The following VPS13C variants were observed in gnomAD, a reference collection of about 807,000 sequenced individuals.
VPS13C encodes intermembrane lipid transfer protein VPS13C.
VPS13C carries 358 observed loss-of-function variants against 456.8 expected under a neutral mutation model. The observed-to-expected ratio is 0.78, with a 90% CI of 0.72 to 0.86. The LOEUF is 0.86. Ranked by LOEUF, VPS13C falls within the 40% of genes least tolerant of loss-of-function variation. The probability of loss-of-function intolerance (pLI) is 0.00; values close to 1 mark genes in which losing one functional copy is unlikely to be tolerated. For missense variants in VPS13C, 4,818 were observed against 4,385.4 expected (o/e 1.10, Z -2.79); for synonymous variants, 1,578 against 1,486.7 (o/e 1.06, Z -1.41).
rs1196625224 is a variant in VPS13C, at chr15:61,974,302, A to C, written c.2524T>G (p.Ser842Ala). Residue 842 changes from serine to alanine, a missense_variant, in exon 25 of 85, where the codon TCT becomes GCT. Physicochemically the swap from Ser to Ala is moderately conservative, Grantham distance 99 (BLOSUM62 1). Around this residue, in one of 3 missense-constraint regions of VPS13C, gnomAD observed 4,552 missense variants for 4,130.6 expected, o/e 1.10. Coordinates refer to ENST00000644861, the MANE Select transcript of VPS13C (RefSeq NM_020821.3). ...TATCTATTTACCTGTCTCTCTGGAGACTGGGCTGATGATTTCTGTGGCAAA... is the reference window on the plus strand; with the variant it reads ...TATCTATTTACCTGTCTCTCTGGAGCCTGGGCTGATGATTTCTGTGGCAAA... ...IPLPQKSSAQ[S>A]PERQVSSIPI... 6.2e-7 allele frequency: 1 copy of C among 1,611,530 alleles called. No homozygotes were observed. The highest frequency in any genetic ancestry group is 1.7e-5 in the Admixed American group (1 of 59,894).
At position 61,920,120 on chromosome 15, in the gene VPS13C, C is replaced by T; in HGVS notation, c.7424G>A (p.Gly2475Glu). ...TTGACGGCTCAATATAGATAGGTTC[C>T]CTTGACTTGAAGGTACCATGCTGGC... ...EYASMVPSSQ[G>E]NLSILSRQES... The change falls in exon 57 of 85, where the codon GGG becomes GAG. Residue 2475 changes from glycine (G) to glutamate (E), a missense_variant. This residue lies in a region of VPS13C where 4,552 missense variants were observed against 4,130.6 expected (regional missense o/e 1.10). Coordinates refer to ENST00000644861, the MANE Select transcript of VPS13C (RefSeq NM_020821.3). 1 of 1,613,266 alleles carries T rather than the reference C, an allele frequency of 6.2e-7. No homozygotes were observed. Among genetic ancestry groups the T allele is most frequent in the East Asian group, 2.2e-5 (1 of 44,848 alleles).
chr15:61,950,171 T>C (rs558606782), intron 41 of VPS13C, among the ~76,000 whole-genome samples, 187 bp downstream of exon 41: 12 of 152,300 alleles, frequency 7.9e-5, no homozygotes, highest in African/African-American at 2.9e-4. Flanking sequence ...TTTCAGAACA[T>C]AAATCAACTT....
chr15:61,894,215 G>C (rs969455994), intron 66 of VPS13C, among the ~76,000 whole-genome samples: 1 of 152,018 alleles, frequency 6.6e-6, no homozygotes, highest in African/African-American at 2.4e-5. Context: ...GGCTGAGGCA[G>C]GGGAATTGCT....
At chr15:61,943,916 A>AC (rs1266921120) in intron 45 of VPS13C, among the ~76,000 whole-genome samples, 1 of 150,388 alleles carries the variant, frequency 6.6e-6, no homozygotes, top group African/African-American at 2.4e-5. Flanking sequence ...AGAATCTATA[A>AC]AAAAAAAAAA....
chr15:61,909,712 G>A (rs1232253664), intron 64 of VPS13C, among the ~76,000 whole-genome samples: 1 of 152,038 alleles, frequency 6.6e-6, no homozygotes, highest in Non-Finnish European at 1.5e-5. Context: ...CCCTACAAAG[G>A]ACATGAACTC....
rs1894870725 is a variant in VPS13C, at chr15:61,869,701, A to G, written c.10625-78T>C. 9.4e-6 allele frequency: 15 copies of G among 1,589,980 alleles called. No homozygotes were observed. In the South Asian group the frequency reaches 1.6e-4, roughly 17 times the overall value. ...TTTGAGCTCAACCAAAACCTGGGCC[A>G]GATACTGAACTGTTTTACCCAGGAA... On this transcript the variant is annotated intron_variant, in intron 79 of 84. Transcript: ENST00000644861.
intron 26 of VPS13C, 125 bp from the exon 27 acceptor site, chr15:61,972,889 G>C: frequency 1.9e-6 from 2 of 1,037,424 alleles, no homozygotes; most frequent in South Asian, 2.1e-5. Flanking sequence ...TTCAGCATCA[G>C]AATAGCTGCC....
chr15:61,998,444 A>T (rs2140448397), intron 16 of VPS13C, among the ~76,000 whole-genome samples: 1 of 152,336 alleles, frequency 6.6e-6, no homozygotes, highest in African/African-American at 2.4e-5. Context: ...CAATGAAAAA[A>T]AATCACGTGT....
At chr15:61,969,775 A>AT (rs931846205) in intron 27 of VPS13C, among the ~76,000 whole-genome samples, 1 of 152,008 alleles carries the variant, frequency 6.6e-6, no homozygotes, top group Non-Finnish European at 1.5e-5. Flanking sequence ...ATGTTTAGTA[A>AT]TTTTTTTTAA....
chr15:62,043,998 C>T (rs1377018796), intron 2 of VPS13C, among the ~76,000 whole-genome samples: 1 of 152,028 alleles, frequency 6.6e-6, no homozygotes, highest in Admixed American at 6.6e-5. Context: ...CAACGAAAAA[C>T]ACTCCGTTTC....
At chr15:61,936,094 G>C (rs917457181) in intron 48 of VPS13C, among the ~76,000 whole-genome samples, 1 of 152,028 alleles carries the variant, frequency 6.6e-6, no homozygotes, top group Non-Finnish European at 1.5e-5. Context: ...ATTTAAAAAT[G>C]GCTGAATTCA....
At chr15:61,993,959 C>CATAT (rs113931101) in intron 16 of VPS13C, among the ~76,000 whole-genome samples, 12 of 148,442 alleles carry the variant, frequency 8.1e-5, no homozygotes, top group African/African-American at 2.2e-4. Context: ...TATTTCAAAG[C>CATAT]ATATATATAT....
Position 62,020,460 on chromosome 15 carries a change from A to G in VPS13C, c.684+19T>C, listed in dbSNP as rs1206805318. On this transcript the variant is annotated intron_variant, in intron 9 of 84. Coordinates refer to ENST00000644861, the MANE Select transcript of VPS13C (RefSeq NM_020821.3). The stretch of plus-strand genomic sequence containing the variant: ...TACTTTACAGGTTCCATAGAAGTTT[A>G]AAATAAAGCAAACATTACCAGTAGA... 2.5e-6 allele frequency: 4 copies of G among 1,603,728 alleles called. No homozygotes were observed. The highest frequency in any genetic ancestry group is 2.6e-6 in the Non-Finnish European group (3 of 1,175,176).
chr15:61,921,421 AAAGAT>A (rs2043650948), intron 55 of VPS13C, among the ~76,000 whole-genome samples: 2 of 152,098 alleles, frequency 1.3e-5, no homozygotes, highest in Non-Finnish European at 2.9e-5. Flanking sequence ...AACAACATAA[AAAGAT>A]AACACACAAG....
intron 28 of VPS13C, 75 bp from the exon 29 acceptor site, chr15:61,967,522 T>TA: frequency 8.4e-7 from 1 of 1,186,948 alleles, no homozygotes; most frequent in Non-Finnish European, 1.2e-6. Context: ...TTTAGATTTT[T>TA]AAAAATTTGT....
At chr15:61,985,138 C>T (rs1017815312) in intron 18 of VPS13C, 139 bp from the exon 19 acceptor site, 2 of 589,712 alleles carry the variant, frequency 3.4e-6, no homozygotes, top group Admixed American at 4.0e-5. Context: ...CACATGCTCA[C>T]CATAAAGGAA....
intron 55 of VPS13C, among the ~76,000 whole-genome samples, chr15:61,921,572 T>C (rs576913587): frequency 3.0e-4 from 45 of 152,180 alleles, no homozygotes; most frequent in African/African-American, 1.1e-3. Flanking sequence ...AAAAATTCAT[T>C]TAAAAATAAA....
intron 8 of VPS13C, 39 bp from the exon 9 acceptor site, chr15:62,020,577 G>A (rs2047428165): frequency 6.3e-7 from 1 of 1,593,050 alleles, no homozygotes; most frequent in South Asian, 1.1e-5. Flanking sequence ...ATATGCTGAT[G>A]GTGAAGGCGA....
intron 47 of VPS13C, among the ~76,000 whole-genome samples, chr15:61,940,032 A>G (rs561396039): frequency 1.2e-4 from 19 of 152,138 alleles, no homozygotes; most frequent in Non-Finnish European, 1.6e-4. Flanking sequence ...TCAAATATAC[A>G]CATTTGCCTA....
Sources: allele counts gnomAD v4.1 joint callset (sites outside exome capture counted in the v4.1 genomes callset), GRCh38; gene constraint gnomAD v4.1.1; regional missense constraint gnomAD v4.1.1; transcripts MANE v1.5; gene names NCBI Gene and HGNC (gene_info 2026-07-23, HGNC 2026-07-21).